CASP9: variants seen among roughly 807,000 people sequenced by gnomAD.
CASP9 encodes the protein caspase 9.
In CASP9, 29 loss-of-function variants were observed where a neutral mutation model predicts 43.5. The ratio of observed to expected loss-of-function variants is 0.67; its 90% CI spans 0.50 to 0.91. The LOEUF (loss-of-function observed/expected upper bound fraction) is 0.91, where lower values mean the gene tolerates loss of function less well. Among genes scored for constraint, CASP9 ranks in the 40% least tolerant of loss-of-function variants. The pLI is 0.00. For synonymous variants in CASP9, 206 were observed against 211.9 expected (o/e 0.97, Z 0.24); for missense variants, 575 against 537.4 (o/e 1.07, Z -0.69).
chr1:15,505,895 G>C lies in CASP9; in HGVS notation c.720+95C>G. 3.1e-6 allele frequency: 3 copies of C among 975,586 alleles called. No homozygotes were observed. The South Asian group carries it at 3.9e-5, about 13-fold the overall frequency. The allele number at this position is 975,586 out of a possible 1,614,324, so 60.4% of individuals were successfully genotyped here. A position where few individuals can be genotyped will look rare whatever the true frequency, so the allele number is the denominator to read the frequency against. ...ACAGCCCTTTTCCACAAAGCCAAGG[G>C]TGTTTTGGACACAAGAAGGGACATG... On this transcript the variant is annotated intron_variant, in intron 5 of 8. Coordinates refer to ENST00000333868, the MANE Select transcript of CASP9 (RefSeq NM_001229.5).
At chr1:15,494,443 T>C (rs1709017816) in intron 7 of CASP9, among the ~76,000 whole-genome samples, 1 of 151,758 alleles carries the variant, frequency 6.6e-6, no homozygotes, top group African/African-American at 2.4e-5. Context: ...TGCATGCCTG[T>C]AATCCCAGCT....
At chr1:15,499,328 G>A (rs1173291159) in intron 6 of CASP9, among the ~76,000 whole-genome samples, 1 of 152,194 alleles carries the variant, frequency 6.6e-6, no homozygotes, top group African/African-American at 2.4e-5. Context: ...TTAGAGAACT[G>A]TAGAAAGCTG....
intron 6 of CASP9, among the ~76,000 whole-genome samples, chr1:15,498,551 T>C (rs977149580): frequency 2.0e-5 from 3 of 152,084 alleles, no homozygotes; most frequent in Non-Finnish European, 2.9e-5. Flanking sequence ...TTTAGAAATA[T>C]AGTTGAGGAA....
At chr1:15,514,895 C>T (rs1709892682) in intron 2 of CASP9, among the ~76,000 whole-genome samples, 1 of 151,980 alleles carries the variant, frequency 6.6e-6, no homozygotes, top group Non-Finnish European at 1.5e-5. Context: ...GTCCCAGCTA[C>T]TTGGGAGGCT....
upstream of CASP9, chr1:15,524,844 G>A (rs1710389810): frequency 2.2e-6 from 2 of 893,454 alleles, no homozygotes; most frequent in Admixed American, 1.0e-4. Flanking sequence ...CCCGCCCTCA[G>A]GACGCACCTC....
At chr1:15,495,160 CA>C (rs1709057260) in intron 7 of CASP9, 112 bp downstream of exon 7, 2 of 1,012,882 alleles carry the variant, frequency 2.0e-6, no homozygotes, top group Non-Finnish European at 2.9e-6. Flanking sequence ...CACAGAGGGG[CA>C]AAAGACAGAA....
rs1042661910 is a variant in CASP9, at chr1:15,506,017, C to T, written c.693G>A (p.Val231=). The T allele has an allele frequency of 1.2e-6, 2 of 1,614,184 alleles. No individual in the cohort carries two copies. Among genetic ancestry groups the T allele is most frequent in the African/African-American group, 2.7e-5 (2 of 75,062 alleles). The change falls in exon 5 of 9, where the codon GTG becomes GTA. Residue 231 remains valine, a synonymous_variant. Coordinates refer to ENST00000333868, the MANE Select transcript of CASP9 (RefSeq NM_001229.5). ...GACAGCCGTGAGAGAGAATGACCAC[C>T]ACGCAGCAGTCCAGAGCACCGTGGT... ...QQDHGALDCC[V]VVILSHGCQA... is the part of the protein sequence containing the mutation.
intron 2 of CASP9, among the ~76,000 whole-genome samples, chr1:15,511,073 C>T (rs1709733728): frequency 1.3e-5 from 2 of 151,964 alleles, no homozygotes; most frequent in Admixed American, 6.6e-5. Context: ...AATGCCAGGG[C>T]GATCTGGCCA....
At chr1:15,498,662 GTC>G (rs1471673808) in intron 6 of CASP9, among the ~76,000 whole-genome samples, 1 of 151,128 alleles carries the variant, frequency 6.6e-6, no homozygotes, top group Non-Finnish European at 1.5e-5. Flanking sequence ...TGTGTCTGGA[GTC>G]TCTATTCCTG....
In CASP9 at chr1:15,524,192, T is replaced by G; in HGVS notation, c.9A>C (p.Glu3Asp). MD[E>D]ADRRLLRRCR... Reference sequence around the variant, plus strand: ...ACCGCCGCAGGAGCCGCCGATCCGCTTCGTCCATGGCGAGTAGCCAACTAA... The same window carrying G: ...ACCGCCGCAGGAGCCGCCGATCCGCGTCGTCCATGGCGAGTAGCCAACTAA... The change falls in exon 1 of 9, where the codon GAA (glutamate) becomes GAC (aspartate). Residue 3 changes from glutamate to aspartate, a missense_variant. Coordinates refer to ENST00000333868, the MANE Select transcript of CASP9 (RefSeq NM_001229.5). The G allele has an allele frequency of 6.5e-7, 1 of 1,545,992 alleles. No homozygotes were observed.
intron 2 of CASP9, among the ~76,000 whole-genome samples, chr1:15,508,355 C>G (rs567328196): frequency 6.6e-6 from 1 of 152,270 alleles, no homozygotes; most frequent in South Asian, 2.1e-4. Flanking sequence ...TAAAACAGTC[C>G]TCGGCAGAAT....
intron 2 of CASP9, among the ~76,000 whole-genome samples, chr1:15,511,997 T>G (rs1297297911): frequency 6.6e-6 from 1 of 152,142 alleles, no homozygotes; most frequent in Non-Finnish European, 1.5e-5. Flanking sequence ...CTCCACACAC[T>G]GCCTCATTTA....
At chr1:15,511,627 C>A (rs1709759262) in intron 2 of CASP9, among the ~76,000 whole-genome samples, 1 of 152,182 alleles carries the variant, frequency 6.6e-6, no homozygotes, top group Non-Finnish European at 1.5e-5. Flanking sequence ...TGGTCTCAAA[C>A]TACTGGCCTC....
At chr1:15,518,484 C>A (rs1272570091) in intron 1 of CASP9, 89 bp from the exon 2 acceptor site, 10 of 1,422,366 alleles carry the variant, frequency 7.0e-6, no homozygotes, top group South Asian at 1.3e-5. Flanking sequence ...TACTGTAAGT[C>A]TAAACAATCA....
chr1:15,494,013 G>A lies in CASP9; in HGVS notation c.1049-12C>T, dbSNP rs769926976. The A allele has an allele frequency of 3.2e-6, 5 of 1,569,026 alleles. No homozygotes were observed. In the East Asian group the frequency reaches 7.0e-5, roughly 22 times the overall value. On this transcript the variant is annotated splice_polypyrimidine_tract_variant and intron_variant, in intron 7 of 8. Transcript: ENST00000333868. Reference sequence around the variant, plus strand: ...CCAGGAAACAAAACCTTTGGAGGGAGGAGGGCTGAACACTGCTGGAGAGCC... The same window carrying A: ...CCAGGAAACAAAACCTTTGGAGGGAAGAGGGCTGAACACTGCTGGAGAGCC...
At chr1:15,524,782 GA>G, upstream of CASP9, 1 of 1,006,698 alleles carries the variant, frequency 9.9e-7, no homozygotes, top group African/African-American at 1.8e-5. Context: ...CACTCCCCGG[GA>G]CGCATCTAGA....
At chr1:15,507,997 G>T in intron 2 of CASP9, 90 bp from the exon 3 acceptor site, 1 of 1,301,822 alleles carries the variant, frequency 7.7e-7, no homozygotes, top group South Asian at 1.2e-5. Flanking sequence ...CCCAAGAACG[G>T]AGCAGCGAGA....
intron 6 of CASP9, among the ~76,000 whole-genome samples, chr1:15,497,309 TAA>T (rs200717519): frequency 1.5e-4 from 15 of 101,740 alleles, no homozygotes; most frequent in Middle Eastern, 5.7e-3. Context: ...GGACTCCATC[TAA>T]AAAAAAAAAA....
intron 6 of CASP9, among the ~76,000 whole-genome samples, chr1:15,498,700 T>C (rs6685648): frequency 0.3 from 45,338 of 148,896 alleles, 7,312 homozygotes; most frequent in East Asian, 0.58. Flanking sequence ...ATACCAGATA[T>C]AGAACTATAG....
Sources: allele counts gnomAD v4.1 joint callset (sites outside exome capture counted in the v4.1 genomes callset), GRCh38; gene constraint gnomAD v4.1.1; transcripts MANE v1.5; gene names NCBI Gene and HGNC (gene_info 2026-07-23, HGNC 2026-07-21).